The following ZNF397 variants were observed in gnomAD, a reference collection of about 807,000 sequenced individuals.
The protein encoded by ZNF397 is zinc finger protein 397.
ZNF397 carries 38 observed loss-of-function variants against 50.6 expected under a neutral mutation model. The observed-to-expected ratio is 0.75, with a 90% CI of 0.58 to 0.98. The LOEUF (loss-of-function observed/expected upper bound fraction) is 0.98, where lower values mean the gene tolerates loss of function less well. ZNF397 is among the 50% of genes least tolerant of loss of function. ZNF397 has a pLI of 0.00. For synonymous variants in ZNF397, 228 were observed against 215.2 expected, an observed-to-expected ratio of 1.06 and a Z score of -0.52; for missense variants, 624 against 624.1, an observed-to-expected ratio of 1.00 and a Z score of 0.00.
At chr18:35,241,138 G>A (rs1402987697) in intron 1 of ZNF397, 29 bp downstream of exon 1, 1 of 152,270 alleles carries the variant, frequency 6.6e-6, no homozygotes, top group Non-Finnish European at 1.5e-5. Context: ...TAGGAAGAGG[G>A]AGGTGGGGTT....
At chr18:35,242,955 A>C in intron 2 of ZNF397, 71 bp downstream of exon 2, 5 of 1,527,556 alleles carry the variant, frequency 3.3e-6, no homozygotes, top group Non-Finnish European at 4.4e-6. Context: ...TCATAACAGT[A>C]GGATAAAAAT....
chr18:35,245,666 G>T lies in ZNF397; in HGVS notation c.961G>T (p.Ala321Ser). ...KPYKCNQCGKAFSLRSYLIIH... is the reference protein window; with the variant it reads ...KPYKCNQCGKSFSLRSYLIIH... ...CTATAAATGTAACCAGTGTGGGAAG[G>T]CCTTTAGTTTGAGGTCCTATCTTAT... The change falls in exon 4 of 4, where the codon GCC (alanine) becomes TCC (serine). Residue 321 changes from alanine to serine, a missense_variant. By Grantham distance (99) the Ala-to-Ser change is moderately conservative. Coordinates refer to ENST00000330501, the MANE Select transcript of ZNF397 (RefSeq NM_001135178.3). The T allele has an allele frequency of 6.4e-7, 1 of 1,553,390 alleles. No homozygotes were observed. The highest frequency in any genetic ancestry group is 8.7e-7 in the Non-Finnish European group (1 of 1,147,914).
chr18:35,257,913 C>T (rs780212226), intron 5 of ZNF397: 1 of 781,078 alleles, frequency 1.3e-6, no homozygotes, highest in South Asian at 1.3e-5. Flanking sequence ...TCCTGCTTCT[C>T]TCTCTCCATT....
intron 2 of ZNF397, 78 bp downstream of exon 2, chr18:35,242,962 A>G: frequency 1.3e-6 from 2 of 1,520,878 alleles, no homozygotes; most frequent in Non-Finnish European, 1.8e-6. Flanking sequence ...AGTAGGATAA[A>G]AATTTTTATG....
chr18:35,244,947 AG>A (rs1234072205), intron 3 of ZNF397, among the ~76,000 whole-genome samples: 1 of 152,208 alleles, frequency 6.6e-6, no homozygotes, highest in African/African-American at 2.4e-5. Context: ...TGATTTTAAA[AG>A]GTGAGAGACA....
Position 35,245,518 on chromosome 18 carries a change from C to G in ZNF397, c.813C>G (p.Asp271Glu). The change falls in exon 4 of 4, where the codon GAC (aspartate) becomes GAG (glutamate). Residue 271 changes from aspartate (D) to glutamate (E), a missense_variant. Transcript: ENST00000330501. ...AAAGATGCTTGATTCTAACTACAGA[C>G]TCTATAATGTGTCAGAAAGTTCCTC... ...EAERCLILTT[D>E]SIMCQKVPPE... is the part of the protein sequence containing the mutation. 1.3e-6 allele frequency: 2 copies of G among 1,552,382 alleles called. No homozygotes were observed. Among genetic ancestry groups the G allele is most frequent in the South Asian group, 2.4e-5 (2 of 84,072 alleles).
chr18:35,259,102 T>C (rs2143682972), downstream of ZNF397: 1 of 152,562 alleles, frequency 6.6e-6, no homozygotes, highest in Admixed American at 6.5e-5. Flanking sequence ...AGAAATCTCT[T>C]TTCTCACAAT....
chr18:35,249,434 C>A lies in ZNF397; in HGVS notation c.*3124C>A, dbSNP rs1435526418. Reference sequence around the variant, plus strand: ...TGGGAGGCTGAGGCGGGTGGATCACCTGAGATCAGGAGTTCGAGACCAGCC... The same window carrying A: ...TGGGAGGCTGAGGCGGGTGGATCACATGAGATCAGGAGTTCGAGACCAGCC... On this transcript the variant is annotated 3_prime_UTR_variant, in exon 4 of 4. Transcript: ENST00000330501. 6.6e-6 allele frequency: 1 copy of A among 151,958 alleles called. No individual in the cohort carries two copies. Among genetic ancestry groups the A allele is most frequent in the East Asian group, 1.9e-4 (1 of 5,190 alleles). The allele number at this position is 151,958 out of a possible 1,614,324, so 9.4% of individuals were successfully genotyped here. A position where few individuals can be genotyped will look rare whatever the true frequency, so the allele number is the denominator to read the frequency against.
At chr18:35,253,223 C>G, downstream of ZNF397, 2 of 414,126 alleles carry the variant, frequency 4.8e-6, no homozygotes, top group Admixed American at 4.0e-5. Context: ...TTAGGCATTT[C>G]AAGGAAATAT....
intron 5 of ZNF397, among the ~76,000 whole-genome samples, chr18:35,256,751 T>G (rs2043836293): frequency 6.6e-6 from 1 of 151,752 alleles, no homozygotes; most frequent in Non-Finnish European, 1.5e-5. Context: ...TTAGAAGAGC[T>G]CTTCTGTTTT....
intron 3 of ZNF397, among the ~76,000 whole-genome samples, 167 bp from the exon 4 acceptor site, chr18:35,245,095 G>A (rs978122448): frequency 6.6e-6 from 1 of 152,146 alleles, no homozygotes; most frequent in African/African-American, 2.4e-5. Flanking sequence ...TGTAGATGTA[G>A]ACTTTATTAT....
At chr18:35,254,287 A>C, downstream of ZNF397, 2 of 1,614,132 alleles carry the variant, frequency 1.2e-6, no homozygotes, top group Non-Finnish European at 1.7e-6. Flanking sequence ...GTGTTTCTCC[A>C]GGAAGTTTTC....
chr18:35,251,152 A>G (rs2043577885), downstream of ZNF397: 1 of 152,254 alleles, frequency 6.6e-6, no homozygotes, highest in African/African-American at 2.4e-5. Flanking sequence ...GTTACCAAAA[A>G]TCATTTACTA....
chr18:35,250,528 T>A (rs567272945), downstream of ZNF397, among the ~76,000 whole-genome samples: 2 of 123,212 alleles, frequency 1.6e-5, no homozygotes, highest in African/African-American at 6.0e-5. Context: ...CAATTTAGTG[T>A]ACTTAACTTT....
At chr18:35,253,329 A>G, downstream of ZNF397, 2 of 698,770 alleles carry the variant, frequency 2.9e-6, no homozygotes, top group Non-Finnish European at 4.6e-6. Context: ...GTCTTCTTAT[A>G]GTACCGAACT....
At chr18:35,252,171 T>C (rs1023821206), downstream of ZNF397, 3 of 152,144 alleles carry the variant, frequency 2.0e-5, no homozygotes, top group African/African-American at 4.8e-5. Context: ...AATCACTGAG[T>C]TGGGGAGCCT....
chr18:35,254,440 T>C (rs750064167), downstream of ZNF397: 4 of 1,612,222 alleles, frequency 2.5e-6, no homozygotes, highest in East Asian at 8.9e-5. Flanking sequence ...AAGAAACTGT[T>C]GTAGCAGGAA....
At position 35,246,024 on chromosome 18, in the gene ZNF397, T is replaced by C. The variant is rs1350867519; in HGVS notation, c.1319T>C (p.Leu440Pro). The C allele has an allele frequency of 3.8e-6, 6 of 1,569,582 alleles. No individual in the cohort carries two copies. Among genetic ancestry groups the C allele is most frequent in the African/African-American group, 1.4e-5 (1 of 73,574 alleles). Residue 440 changes from leucine to proline, a missense_variant, in exon 4 of 4, where the codon CTG (leucine) becomes CCG (proline). Physicochemically the swap from Leu to Pro is moderately conservative, Grantham distance 98 (BLOSUM62 -3). Coordinates refer to ENST00000330501, the MANE Select transcript of ZNF397 (RefSeq NM_001135178.3). ...CGKAFRQSSELITHQRIHSGE... is the reference protein window; with the variant it reads ...CGKAFRQSSEPITHQRIHSGE... Reference sequence around the variant, plus strand: ...AAAGCTTTCAGGCAGAGCTCAGAGCTGATTACTCATCAGAGAATACATAGT... The same window carrying C: ...AAAGCTTTCAGGCAGAGCTCAGAGCCGATTACTCATCAGAGAATACATAGT...
downstream of ZNF397, chr18:35,253,730 T>C (rs2043679457): frequency 6.2e-7 from 1 of 1,614,184 alleles, no homozygotes; most frequent in East Asian, 2.2e-5. Context: ...TTTCTTATGC[T>C]GAATAAGGGC....
Sources: allele counts gnomAD v4.1 joint callset (sites outside exome capture counted in the v4.1 genomes callset), GRCh38; gene constraint gnomAD v4.1.1; transcripts MANE v1.5; gene names NCBI Gene and HGNC (gene_info 2026-07-23, HGNC 2026-07-21).